RNLS: variants seen among roughly 807,000 people sequenced by gnomAD.
RNLS encodes the protein renalase, FAD dependent amine oxidase.
Under a neutral mutation model 39.8 loss-of-function variants are expected in RNLS, and 39 were observed. The ratio of observed to expected loss-of-function variants is 0.98; its 90% CI spans 0.76 to 1.28. RNLS has a LOEUF of 1.28. Among genes scored for constraint, RNLS ranks in the 50% most tolerant of loss-of-function variants. The probability of loss-of-function intolerance (pLI) is 0.00; values close to 1 mark genes in which losing one functional copy is unlikely to be tolerated. For synonymous variants in RNLS, 147 were observed against 150.7 expected (o/e 0.98, Z 0.18); for missense variants, 410 against 413.3 (o/e 0.99, Z 0.07).
chr10:88,576,816 T>C (rs2134472396), intron 3 of RNLS, among the ~76,000 whole-genome samples: 1 of 152,350 alleles, frequency 6.6e-6, no homozygotes, highest in East Asian at 1.9e-4. Flanking sequence ...ACCATTTTTT[T>C]CTAATAAATT....
intron 4 of RNLS, among the ~76,000 whole-genome samples, chr10:88,435,928 A>G (rs997211921): frequency 6.6e-6 from 1 of 152,136 alleles, no homozygotes; most frequent in African/African-American, 2.4e-5. Flanking sequence ...TTATTATATT[A>G]TCAGTAAAAT....
At chr10:88,467,110 C>T (rs908719898) in intron 4 of RNLS, among the ~76,000 whole-genome samples, 2 of 152,088 alleles carry the variant, frequency 1.3e-5, no homozygotes, top group African/African-American at 2.4e-5. Context: ...ACTAGCCTGA[C>T]GCAACCATAT....
intron 4 of RNLS, among the ~76,000 whole-genome samples, chr10:88,498,701 T>C (rs1402680691): frequency 1.3e-5 from 2 of 151,884 alleles, no homozygotes; most frequent in Non-Finnish European, 2.9e-5. Flanking sequence ...CAATGGAGTA[T>C]ATACAGATAG....
intron 4 of RNLS, among the ~76,000 whole-genome samples, chr10:88,441,267 T>C (rs1017170729): frequency 1.3e-5 from 2 of 152,188 alleles, no homozygotes; most frequent in South Asian, 2.1e-4. Context: ...GCCTTCCTAT[T>C]CTTCTGAGTT....
chr10:88,431,024 A>C (rs1470824561), intron 4 of RNLS, among the ~76,000 whole-genome samples: 1 of 151,646 alleles, frequency 6.6e-6, no homozygotes, highest in Admixed American at 6.6e-5. Flanking sequence ...TAGTACTTCA[A>C]TTTTCTGGAA....
chr10:88,473,474 A>C (rs539351725), intron 4 of RNLS, among the ~76,000 whole-genome samples: 11 of 152,256 alleles, frequency 7.2e-5, no homozygotes, highest in Admixed American at 5.9e-4. Flanking sequence ...TTGATGTTAT[A>C]AAATGATGGT....
intron 3 of RNLS, among the ~76,000 whole-genome samples, chr10:88,581,294 G>GTGTGTATATATATATA (rs1376395535): frequency 3.9e-5 from 5 of 129,858 alleles, no homozygotes; most frequent in African/African-American, 1.5e-4. Flanking sequence ...GTGTGTGTGT[G>GTGTGTATATATATATA]TATATATATA....
intron 5 of RNLS, among the ~76,000 whole-genome samples, chr10:88,348,385 CA>C (rs1276198497): frequency 3.3e-5 from 5 of 152,138 alleles, no homozygotes; most frequent in African/African-American, 9.7e-5. Context: ...AATTCTTGGC[CA>C]ACCTGAAGGT....
the RNLS span, among the ~76,000 whole-genome samples, chr10:88,218,663 G>A: frequency 6.6e-6 from 1 of 152,106 alleles, no homozygotes; most frequent in Non-Finnish European, 1.5e-5. Context: ...ACCAGTGTAG[G>A]CCCCAGCTGA....
intron 2 of RNLS, 68 bp downstream of exon 2, chr10:88,582,134 A>G (rs903234928): frequency 1.6e-6 from 2 of 1,236,702 alleles, no homozygotes; most frequent in Non-Finnish European, 2.3e-6. Flanking sequence ...AGCTAATCTA[A>G]TCTTCACAAC....
chr10:88,472,048 A>G (rs1843563767), intron 4 of RNLS, among the ~76,000 whole-genome samples: 1 of 152,208 alleles, frequency 6.6e-6, no homozygotes, highest in Non-Finnish European at 1.5e-5. Context: ...CTTATCTGGA[A>G]GAATATTTCA....
chr10:88,538,393 A>G (rs1847881894), intron 4 of RNLS, among the ~76,000 whole-genome samples: 1 of 152,144 alleles, frequency 6.6e-6, no homozygotes, highest in Non-Finnish European at 1.5e-5. Flanking sequence ...AAATACAACA[A>G]ACAATGTGAC....
chr10:88,343,863 G>A, intron 5 of RNLS: 1 of 969,172 alleles, frequency 1.0e-6, no homozygotes, highest in Non-Finnish European at 1.2e-6. Flanking sequence ...AAACGTCCCT[G>A]GAGCAGAGGA....
intron 4 of RNLS, among the ~76,000 whole-genome samples, chr10:88,448,662 A>T (rs1589812327): frequency 6.6e-6 from 1 of 152,344 alleles, no homozygotes; most frequent in Non-Finnish European, 1.5e-5. Flanking sequence ...ATATACCCAA[A>T]GGATTATAAA....
intron 4 of RNLS, among the ~76,000 whole-genome samples, chr10:88,432,729 C>T (rs17112152): frequency 0.025 from 3,847 of 152,040 alleles, 131 homozygotes; most frequent in South Asian, 0.11. Flanking sequence ...CTCTGTAAGA[C>T]TCTATGGTTA....
chr10:88,343,943 C>T, intron 5 of RNLS: 1 of 401,220 alleles, frequency 2.5e-6, no homozygotes, highest in Non-Finnish European at 3.4e-6. Flanking sequence ...CTAAAAAAGC[C>T]CTGGTTTTCT....
At chr10:88,563,162 GT>G (rs1162104766) in intron 4 of RNLS, among the ~76,000 whole-genome samples, 1 of 152,126 alleles carries the variant, frequency 6.6e-6, no homozygotes, top group East Asian at 1.9e-4. Context: ...GTAATTGAGT[GT>G]AATTCAAATC....
chr10:88,456,430 T>C (rs1224806788), intron 4 of RNLS, among the ~76,000 whole-genome samples: 1 of 152,002 alleles, frequency 6.6e-6, no homozygotes, highest in East Asian at 1.9e-4. Context: ...AATATGAGTA[T>C]GAGAAAATGT....
intron 4 of RNLS, among the ~76,000 whole-genome samples, chr10:88,414,846 A>C (rs147787712): frequency 6.6e-6 from 1 of 152,312 alleles, no homozygotes; most frequent in East Asian, 1.9e-4. Flanking sequence ...ATCTACTGCA[A>C]TGAATAAATA....
Sources: gnomAD v4.1 joint callset for allele counts (sites outside exome capture counted in the v4.1 genomes callset) on GRCh38, gnomAD v4.1.1 for gene constraint, MANE v1.5 for transcripts, NCBI Gene and HGNC (gene_info 2026-07-23, HGNC 2026-07-21) for gene names.